The following ME1 variants were observed in gnomAD, a reference collection of about 807,000 sequenced individuals.
ME1 encodes malic enzyme 1, also known as NADP-dependent malic enzyme.
Under a neutral mutation model 66.4 loss-of-function variants are expected in ME1, and 74 were observed. The ratio of observed to expected loss-of-function variants is 1.11; its 90% CI spans 0.92 to 1.35. ME1 has a LOEUF of 1.35. ME1 is among the 40% of genes most tolerant of loss of function. ME1 has a pLI of 0.00. For synonymous variants in ME1, 251 were observed against 235.6 expected (o/e 1.07, Z -0.60); for missense variants, 750 against 694.1 (o/e 1.08, Z -0.90).
chr6:83,395,441 A>G (rs1769711714), intron 3 of ME1, among the ~76,000 whole-genome samples: 1 of 151,810 alleles, frequency 6.6e-6, no homozygotes, highest in African/African-American at 2.4e-5. Flanking sequence ...AGGGAACCCA[A>G]ATTGATTTGG....
chr6:83,221,529 A>G (rs893786765), intron 12 of ME1, among the ~76,000 whole-genome samples: 1 of 152,186 alleles, frequency 6.6e-6, no homozygotes, highest in African/African-American at 2.4e-5. Context: ...CCTGCTTGGA[A>G]AGGGGGTATC....
chr6:83,430,613 C>T (rs529806865), intron 1 of ME1, among the ~76,000 whole-genome samples: 21 of 152,352 alleles, frequency 1.4e-4, no homozygotes, highest in African/African-American at 4.6e-4. Context: ...TATCACTAAC[C>T]TTTACCTTTA....
At chr6:83,421,453 C>A (rs529313852) in intron 1 of ME1, among the ~76,000 whole-genome samples, 3 of 152,312 alleles carry the variant, frequency 2.0e-5, no homozygotes, top group Admixed American at 6.5e-5. Flanking sequence ...CTAAATCCAA[C>A]AATAATCCTT....
At chr6:83,304,017 C>T (rs1336754892) in intron 6 of ME1, among the ~76,000 whole-genome samples, 2 of 152,004 alleles carry the variant, frequency 1.3e-5, no homozygotes, top group African/African-American at 4.8e-5. Context: ...AGTAATCCTT[C>T]CTGAAAAATA....
chr6:83,400,198 T>C (rs1010058607), intron 2 of ME1, among the ~76,000 whole-genome samples: 1 of 152,162 alleles, frequency 6.6e-6, no homozygotes, highest in Non-Finnish European at 1.5e-5. Flanking sequence ...TGGAGTTGGG[T>C]CCTGGTGGGT....
intron 13 of ME1, among the ~76,000 whole-genome samples, chr6:83,212,369 A>G (rs2128522002): frequency 6.6e-6 from 1 of 152,332 alleles, no homozygotes; most frequent in East Asian, 1.9e-4. Flanking sequence ...TTCTCAGAGA[A>G]GCCAGTGTTC....
At chr6:83,324,508 CA>C (rs2128540972) in intron 5 of ME1, among the ~76,000 whole-genome samples, 1 of 151,774 alleles carries the variant, frequency 6.6e-6, no homozygotes, top group South Asian at 2.1e-4. Flanking sequence ...GGGAGATCAC[CA>C]CTGATCCCAC....
rs2023577 is a variant in ME1 at position 83,306,278 on chromosome 6, G to A, written c.704+9032C>T. 1.1e-3 allele frequency among the ~76,000 whole-genome samples: 173 copies of A among 151,888 alleles called. 1 individual carries two copies. In the East Asian group the frequency reaches 0.019, roughly 17 times the overall value. ...CTTAATCTTGCTAAATTAAAGTTAA[G>A]AGAATAAAAAAGGAGAGAGATACAG... is the stretch of plus-strand genomic sequence containing the variant. On this transcript the variant is annotated intron_variant, in intron 6 of 13. Coordinates refer to ENST00000369705, the MANE Select transcript of ME1 (RefSeq NM_002395.6).
chr6:83,329,474 G>A (rs1459245167), intron 5 of ME1, among the ~76,000 whole-genome samples: 3 of 152,118 alleles, frequency 2.0e-5, no homozygotes, highest in African/African-American at 7.2e-5. Context: ...ACCTCCAGTG[G>A]TATATAATAA....
At chr6:83,272,643 T>C (rs1233710876) in intron 6 of ME1, among the ~76,000 whole-genome samples, 4 of 152,122 alleles carry the variant, frequency 2.6e-5, no homozygotes, top group Non-Finnish European at 5.9e-5. Flanking sequence ...AGTCAGCTAC[T>C]TACCCCCTAA....
chr6:83,286,779 G>A (rs1767404810), intron 6 of ME1, among the ~76,000 whole-genome samples: 1 of 152,060 alleles, frequency 6.6e-6, no homozygotes, highest in Non-Finnish European at 1.5e-5. Context: ...AAATATTCCT[G>A]AAGAATGTAT....
intron 9 of ME1, among the ~76,000 whole-genome samples, chr6:83,230,329 C>T (rs1452166743): frequency 1.3e-5 from 2 of 151,444 alleles, no homozygotes; most frequent in Non-Finnish European, 2.9e-5. Flanking sequence ...GGCATGTGCC[C>T]GGCTAATTTT....
intron 3 of ME1, among the ~76,000 whole-genome samples, chr6:83,358,541 G>C (rs1768944022): frequency 6.6e-6 from 1 of 152,134 alleles, no homozygotes; most frequent in African/African-American, 2.4e-5. Flanking sequence ...TTGTGCAAGT[G>C]GCTGACCTGC....
At chr6:83,328,263 C>T (rs1178814058) in intron 5 of ME1, among the ~76,000 whole-genome samples, 1 of 151,744 alleles carries the variant, frequency 6.6e-6, no homozygotes, top group East Asian at 1.9e-4. Flanking sequence ...GGGAACTGAA[C>T]AATGAGAACA....
chr6:83,357,317 G>A (rs535529513), intron 3 of ME1, among the ~76,000 whole-genome samples: 24 of 152,224 alleles, frequency 1.6e-4, no homozygotes, highest in Non-Finnish European at 3.5e-4. Context: ...TTTGTGAAAG[G>A]ATTCTTCAAA....
chr6:83,230,552 A>T (rs925522198), intron 9 of ME1, among the ~76,000 whole-genome samples: 2 of 152,142 alleles, frequency 1.3e-5, no homozygotes, highest in Non-Finnish European at 2.9e-5. Flanking sequence ...GCTCTATGCT[A>T]GTTGTTGTTG....
chr6:83,425,235 ATCC>A (rs1355082546), intron 1 of ME1, among the ~76,000 whole-genome samples: 1 of 151,850 alleles, frequency 6.6e-6, no homozygotes, highest in African/African-American at 2.4e-5. Flanking sequence ...GGCTCAAGTG[ATCC>A]TCCTACCTCG....
chr6:83,388,228 T>C (rs1015194410), intron 3 of ME1, among the ~76,000 whole-genome samples: 1 of 151,762 alleles, frequency 6.6e-6, no homozygotes, highest in African/African-American at 2.4e-5. Flanking sequence ...GGTGGGACTA[T>C]AGCACGCACC....
At chr6:83,327,006 T>C (rs1248671177) in intron 5 of ME1, among the ~76,000 whole-genome samples, 1 of 152,216 alleles carries the variant, frequency 6.6e-6, no homozygotes, top group Non-Finnish European at 1.5e-5. Context: ...GTTCCCCAAA[T>C]TGATACTTTT....
Sources: gnomAD v4.1 joint callset for allele counts (sites outside exome capture counted in the v4.1 genomes callset) on GRCh38, gnomAD v4.1.1 for gene constraint, MANE v1.5 for transcripts, NCBI Gene and HGNC (gene_info 2026-07-23, HGNC 2026-07-21) for gene names.